ITGA4: variants seen among roughly 807,000 people sequenced by gnomAD.
The protein encoded by ITGA4 is integrin subunit alpha 4, also known as integrin alpha-4.
In ITGA4, 63 loss-of-function variants were observed where a neutral mutation model predicts 133.6. That is an observed-to-expected ratio of 0.47 (90% CI 0.38 to 0.58). The LOEUF is 0.58. Ranked by LOEUF, ITGA4 falls within the 20% of genes least tolerant of loss-of-function variation. The probability of loss-of-function intolerance (pLI) is 0.00; values close to 1 mark genes in which losing one functional copy is unlikely to be tolerated. For synonymous variants in ITGA4, 483 were observed against 438.0 expected (o/e 1.10, Z -1.28); for missense variants, 1,076 against 1,252.7 (o/e 0.86, Z 2.13).
At chr2:181,513,612 A>C (rs544949201) in intron 17 of ITGA4, among the ~76,000 whole-genome samples, 1 of 152,164 alleles carries the variant, frequency 6.6e-6, no homozygotes, top group African/African-American at 2.4e-5. Flanking sequence ...TAACATACAC[A>C]TGTGATAACA....
intron 2 of ITGA4, among the ~76,000 whole-genome samples, chr2:181,463,512 T>G (rs569020460): frequency 6.6e-6 from 1 of 152,228 alleles, no homozygotes; most frequent in Non-Finnish European, 1.5e-5. Flanking sequence ...ATTCTGAAGG[T>G]ATTTAGGAGA....
At chr2:181,474,384 A>G (rs1206494070) in intron 2 of ITGA4, among the ~76,000 whole-genome samples, 3 of 152,210 alleles carry the variant, frequency 2.0e-5, no homozygotes. Context: ...TGTTGAAAAC[A>G]TGAGTCATAT....
At chr2:181,507,923 T>C (rs1055623604) in intron 15 of ITGA4, among the ~76,000 whole-genome samples, 1 of 152,238 alleles carries the variant, frequency 6.6e-6, no homozygotes, top group East Asian at 1.9e-4. Context: ...TTTTACTATC[T>C]AGTGAAGTGC....
At chr2:181,534,636 C>CTGTT (rs911622550) in intron 26 of ITGA4, among the ~76,000 whole-genome samples, 180 bp from the exon 27 acceptor site, 13 of 152,080 alleles carry the variant, frequency 8.5e-5, no homozygotes, top group African/African-American at 3.1e-4. Flanking sequence ...ATTACACTCA[C>CTGTT]TGTTTCTGCT....
rs1195080401 is a variant in ITGA4 at position 181,537,027 on chromosome 2, T to G, written c.*1500T>G. The G allele has an allele frequency of 6.7e-6, 3 of 444,536 alleles. No individual in the cohort carries two copies. Among genetic ancestry groups the G allele is most frequent in the Non-Finnish European group, 1.4e-5 (3 of 221,852 alleles). The allele number at this position is 444,536 out of a possible 1,614,324, so 27.5% of individuals were successfully genotyped here. ...AGTGATGGTGAGGAATGTTCTGAGA[T>G]TTGCGAAGGCATTTGAGTAGTGAAA... On this transcript the variant is annotated 3_prime_UTR_variant, in exon 28 of 28. Coordinates refer to ENST00000397033, the MANE Select transcript of ITGA4 (RefSeq NM_000885.6).
chr2:181,478,781 AT>A lies in ITGA4; in HGVS notation c.585del (p.Phe195LeufsTer16). On this transcript the variant is annotated frameshift_variant, in exon 5 of 28. Transcript: ENST00000397033. LOFTEE classifies it high-confidence loss of function. The part of the protein sequence containing the change: ...YQDYVKKFGE[N>X]FASCQAGISS... ...GATTATGTGAAAAAATTTGGAGAAA[AT>A]TTTGCATCATGTCAAGCTGGAATAT... The A allele has an allele frequency of 6.7e-7, 1 of 1,485,526 alleles. No homozygotes were observed. The allele number at this position is 1,485,526 out of a possible 1,614,324, so 92.0% of individuals were successfully genotyped here. A position where few individuals can be genotyped will look rare whatever the true frequency, so the allele number is the denominator to read the frequency against.
At chr2:181,481,247 ATTTAAAG>A (rs759822134) in intron 6 of ITGA4, among the ~76,000 whole-genome samples, 1 of 152,312 alleles carries the variant, frequency 6.6e-6, no homozygotes, top group African/African-American at 2.4e-5. Context: ...CAAGATGTTT[ATTTAAAG>A]TTTAAAGTTT....
At chr2:181,482,143 C>T (rs902000984) in intron 7 of ITGA4, among the ~76,000 whole-genome samples, 4 of 152,118 alleles carry the variant, frequency 2.6e-5, no homozygotes, top group Non-Finnish European at 5.9e-5. Flanking sequence ...TCTATAGGAT[C>T]AATAAGATAA....
At chr2:181,513,631 G>T (rs1482868461) in intron 17 of ITGA4, among the ~76,000 whole-genome samples, 2 of 152,136 alleles carry the variant, frequency 1.3e-5, no homozygotes, top group East Asian at 1.9e-4. Context: ...CAGTGCTTCA[G>T]TGGCTCATTT....
Position 181,482,402 on chromosome 2 carries a change from C to A in ITGA4, c.883C>A (p.His295Asn), listed in dbSNP as rs201919556. The A allele has an allele frequency of 1.2e-6, 2 of 1,612,994 alleles. No individual in the cohort carries two copies. Among genetic ancestry groups the A allele is most frequent in the Admixed American group, 1.7e-5 (1 of 59,886 alleles). ...SIDEKELNIL[H>N]EMKGKKLGSY... is the part of the protein sequence containing the mutation. ...TGATGAAAAAGAACTAAATATCTTA[C>A]ATGAAATGAAAGGTAAAAAGGTAAT... is the stretch of plus-strand genomic sequence containing the variant. The change falls in exon 8 of 28, where the codon CAT becomes AAT. Residue 295 changes from histidine to asparagine, a missense_variant. Coordinates refer to ENST00000397033, the MANE Select transcript of ITGA4 (RefSeq NM_000885.6).
intron 16 of ITGA4, 153 bp downstream of exon 16, chr2:181,509,960 T>C (rs1211618578): frequency 5.2e-6 from 3 of 581,440 alleles, no homozygotes; most frequent in Non-Finnish European, 3.0e-6. Flanking sequence ...CTTTAAATTG[T>C]TTATATTCCC....
At chr2:181,487,484 C>T (rs566755690) in intron 10 of ITGA4, among the ~76,000 whole-genome samples, 11 of 152,250 alleles carry the variant, frequency 7.2e-5, no homozygotes, top group African/African-American at 2.4e-4. Flanking sequence ...TTCAGGTCAG[C>T]GCTGCTCCTA....
At chr2:181,463,892 C>G (rs966819638) in intron 2 of ITGA4, among the ~76,000 whole-genome samples, 1 of 151,960 alleles carries the variant, frequency 6.6e-6, no homozygotes, top group Non-Finnish European at 1.5e-5. Context: ...TCCTACAGTT[C>G]GAGAAGTGAT....
rs77507181 is a variant in ITGA4, at chr2:181,493,544, G to A, written c.1248+125G>A. The stretch of plus-strand genomic sequence containing the variant: ...CAAATACTTAACACTTTATTTCACC[G>A]TTTACTTATAGTGGCAAATGATCTT... On this transcript the variant is annotated intron_variant, in intron 11 of 27. Transcript: ENST00000397033. 5.8e-3 allele frequency: 3,060 copies of A among 529,714 alleles called. 81 individuals carry two copies. Among genetic ancestry groups the A allele is most frequent in the African/African-American group, 0.056 (2,810 of 50,330 alleles). The allele number at this position is 529,714 out of a possible 1,614,324, so 32.8% of individuals were successfully genotyped here.
At chr2:181,475,856 A>G in intron 4 of ITGA4, 1 of 1,603,186 alleles carries the variant, frequency 6.2e-7, no homozygotes, top group South Asian at 1.1e-5. Flanking sequence ...ACATAACAGA[A>G]GTGAGCAGAA....
intron 27 of ITGA4, 101 bp downstream of exon 27, chr2:181,535,036 A>G: frequency 1.5e-6 from 2 of 1,327,112 alleles, no homozygotes; most frequent in Non-Finnish European, 2.0e-6. Flanking sequence ...TCACTATTTG[A>G]ATGTTAACTT....
chr2:181,522,721 A>G (rs916933561), intron 18 of ITGA4, among the ~76,000 whole-genome samples: 3 of 152,156 alleles, frequency 2.0e-5, no homozygotes, highest in African/African-American at 4.8e-5. Context: ...CACTCAGACA[A>G]TTAATAGAAT....
intron 11 of ITGA4, among the ~76,000 whole-genome samples, chr2:181,493,711 G>T (rs1686102633): frequency 6.6e-6 from 1 of 152,184 alleles, no homozygotes; most frequent in Admixed American, 6.5e-5. Context: ...ATATCCATAT[G>T]ATTCTAAAAT....
chr2:181,477,573 G>T (rs1176950430), intron 4 of ITGA4, among the ~76,000 whole-genome samples: 1 of 151,954 alleles, frequency 6.6e-6, no homozygotes, highest in Non-Finnish European at 1.5e-5. Flanking sequence ...CATCAAAATG[G>T]CCAATAAGTA....
Sources: gnomAD v4.1 joint callset for allele counts (sites outside exome capture counted in the v4.1 genomes callset) on GRCh38, gnomAD v4.1.1 for gene constraint, MANE v1.5 for transcripts, NCBI Gene and HGNC (gene_info 2026-07-23, HGNC 2026-07-21) for gene names.